HIP1: variants seen among roughly 807,000 people sequenced by gnomAD.
The protein encoded by HIP1 is huntingtin-interacting protein 1.
A neutral mutation model predicts 147.6 loss-of-function variants in HIP1; 65 were observed. The ratio of observed to expected loss-of-function variants is 0.44; its 90% CI spans 0.36 to 0.54. The LOEUF (loss-of-function observed/expected upper bound fraction) is 0.54, where lower values mean the gene tolerates loss of function less well. Among genes scored for constraint, HIP1 ranks in the 20% least tolerant of loss-of-function variants. HIP1 has a pLI of 0.00. For missense variants in HIP1, 1,061 were observed against 1,299.6 expected (o/e 0.82, Z 2.82); for synonymous variants, 479 against 504.0 (o/e 0.95, Z 0.67).
intron 1 of HIP1, among the ~76,000 whole-genome samples, chr7:75,721,733 G>A (rs782784699): frequency 6.6e-6 from 1 of 152,172 alleles, no homozygotes; most frequent in South Asian, 2.1e-4. Flanking sequence ...TATTGGGTAA[G>A]TTATCTGGGT....
At chr7:75,735,886 C>A (rs1245421293) in intron 1 of HIP1, among the ~76,000 whole-genome samples, 2 of 151,876 alleles carry the variant, frequency 1.3e-5, no homozygotes, top group Non-Finnish European at 2.9e-5. Context: ...TGGGGTCTTA[C>A]TATGTTGTCC....
At position 75,576,763 on chromosome 7, in the gene HIP1, G is replaced by A. The variant is rs587758088; in HGVS notation, c.605-2862C>T. 2.9e-4 allele frequency among the ~76,000 whole-genome samples: 44 copies of A among 152,250 alleles called. No homozygotes were observed. In the East Asian group the frequency reaches 8.3e-3, roughly 29 times the overall value. ...AGGTAGATTCTAATCTGCATCCAGG[G>A]TTGAAAACTGTATGTCCAAGCTCAG... is the stretch of plus-strand genomic sequence containing the variant. On this transcript the variant is annotated intron_variant, in intron 7 of 30. Coordinates refer to ENST00000336926, the MANE Select transcript of HIP1 (RefSeq NM_005338.7).
At chr7:75,558,327 G>T in intron 14 of HIP1, 72 bp from the exon 15 acceptor site, 1 of 1,150,710 alleles carries the variant, frequency 8.7e-7, no homozygotes, top group Non-Finnish European at 1.3e-6. Context: ...ATGAGCCAGG[G>T]TCCCTAGAAG....
chr7:75,718,022 C>T (rs763777126), intron 1 of HIP1, among the ~76,000 whole-genome samples: 1 of 151,432 alleles, frequency 6.6e-6, no homozygotes, highest in African/African-American at 2.4e-5. Context: ...ATGGCTCACA[C>T]CTGTAATCCC....
chr7:75,581,597 G>A (rs587717015), intron 6 of HIP1, among the ~76,000 whole-genome samples: 8 of 152,142 alleles, frequency 5.3e-5, no homozygotes, highest in Non-Finnish European at 7.4e-5. Context: ...TGGCCAACGC[G>A]GCGAAACCCC....
chr7:75,542,591 C>G (rs1464523523), intron 28 of HIP1, among the ~76,000 whole-genome samples: 5 of 150,692 alleles, frequency 3.3e-5, no homozygotes, highest in African/African-American at 1.2e-4. Flanking sequence ...CCTAGCTACT[C>G]GGGAAGCTGA....
At chr7:75,679,666 C>G (rs1800001308) in intron 1 of HIP1, among the ~76,000 whole-genome samples, 1 of 79,358 alleles carries the variant, frequency 1.3e-5, no homozygotes, top group Admixed American at 1.4e-4. Context: ...TCCCTCCTTT[C>G]TCTATTAATT....
At chr7:75,696,880 G>A (rs1344507777) in intron 1 of HIP1, among the ~76,000 whole-genome samples, 2 of 151,658 alleles carry the variant, frequency 1.3e-5, no homozygotes, top group South Asian at 2.1e-4. Context: ...GATTACAGGC[G>A]TGAGCCACTG....
At chr7:75,669,001 T>C (rs1171987847) in intron 1 of HIP1, among the ~76,000 whole-genome samples, 1 of 147,798 alleles carries the variant, frequency 6.8e-6, no homozygotes, top group African/African-American at 2.5e-5. Flanking sequence ...GCAGATCACT[T>C]GAAGTCAGGA....
intron 2 of HIP1, among the ~76,000 whole-genome samples, chr7:75,596,300 T>C (rs1796744255): frequency 6.6e-6 from 1 of 150,942 alleles, no homozygotes; most frequent in African/African-American, 2.4e-5. Context: ...CCCTACTGTA[T>C]GGAGTTGATT....
chr7:75,570,175 G>A (rs899334693), intron 8 of HIP1, among the ~76,000 whole-genome samples: 8 of 151,764 alleles, frequency 5.3e-5, no homozygotes, highest in Admixed American at 6.6e-5. Flanking sequence ...CTCGTGATCC[G>A]CCTGCCTTGA....
intron 1 of HIP1, among the ~76,000 whole-genome samples, chr7:75,716,613 G>A (rs1233222272): frequency 2.0e-5 from 3 of 149,964 alleles, no homozygotes; most frequent in Admixed American, 6.7e-5. Flanking sequence ...TCCGCCTCCC[G>A]GGTTCACACC....
At chr7:75,691,712 C>G (rs1433629558) in intron 1 of HIP1, among the ~76,000 whole-genome samples, 25 of 151,736 alleles carry the variant, frequency 1.6e-4, no homozygotes, top group African/African-American at 6.1e-4. Context: ...TGCTTGAACC[C>G]GGGAGAAGGA....
chr7:75,691,575 G>A (rs537113971), intron 1 of HIP1, among the ~76,000 whole-genome samples: 4 of 152,098 alleles, frequency 2.6e-5, no homozygotes, highest in Non-Finnish European at 5.9e-5. Context: ...GAGGCGGGTG[G>A]ATTACTTGAG....
At position 75,672,738 on chromosome 7, in the gene HIP1, C is replaced by G. The variant is rs542995071; in HGVS notation, c.120+66063G>C. Among the ~76,000 whole-genome samples the G allele has an allele frequency of 2.2e-4, 34 of 152,258 alleles. 1 individual carries two copies. In the South Asian group the frequency reaches 6.6e-3, roughly 30 times the overall value. ...AGCTTTTGATGTCACATTTAAGAAG[C>G]CATTGCTTAATCCAAGCTCATAAAG... On this transcript the variant is annotated intron_variant, in intron 1 of 30. Coordinates refer to ENST00000336926, the MANE Select transcript of HIP1 (RefSeq NM_005338.7).
intron 1 of HIP1, among the ~76,000 whole-genome samples, chr7:75,614,489 A>G (rs1450673244): frequency 6.6e-6 from 1 of 151,040 alleles, no homozygotes; most frequent in Non-Finnish European, 1.5e-5. Flanking sequence ...GTGTGATTCT[A>G]TTTGTATGAA....
At chr7:75,719,942 G>A (rs782306661) in intron 1 of HIP1, among the ~76,000 whole-genome samples, 3 of 152,112 alleles carry the variant, frequency 2.0e-5, no homozygotes, top group Non-Finnish European at 4.4e-5. Flanking sequence ...CCCTAGGGGA[G>A]TTATTTTGCC....
At position 75,561,335 on chromosome 7, in the gene HIP1, C is replaced by A. The variant is rs1554494508; in HGVS notation, c.1185G>T (p.Lys395Asn). ...SGLKAQLENM[K>N]TESQRVVLQL... Reference sequence around the variant, plus strand: ...GAGCAGATCCAAGTTATACCTCAGTCTTCATGTTTTCTAGCTGTGCCTTCA... The same window carrying A: ...GAGCAGATCCAAGTTATACCTCAGTATTCATGTTTTCTAGCTGTGCCTTCA... Residue 395 changes from lysine to asparagine, a missense_variant, in exon 13 of 31, where the codon AAG becomes AAT. Around this residue, in one of 3 missense-constraint regions of HIP1, gnomAD observed 810 missense variants for 946.8 expected, o/e 0.86. Transcript: ENST00000336926. 6.2e-7 allele frequency: 1 copy of A among 1,608,302 alleles called. No homozygotes were observed. The highest frequency in any genetic ancestry group is 1.7e-5 in the Admixed American group (1 of 59,982).
intron 2 of HIP1, among the ~76,000 whole-genome samples, chr7:75,595,247 TCTTTCTTCCTTCCTTCCTTC>T (rs1215815219): frequency 7.2e-4 from 60 of 82,958 alleles, no homozygotes; most frequent in African/African-American, 3.0e-3. Context: ...TTTCTTTCTT[TCTTTCTTCCTTCCTTCCTTC>T]CTTCCTTCCT....
Sources: gnomAD v4.1 joint callset for allele counts (sites outside exome capture counted in the v4.1 genomes callset) on GRCh38, gnomAD v4.1.1 for gene constraint, gnomAD v4.1.1 regional missense constraint, MANE v1.5 for transcripts, NCBI Gene and HGNC (gene_info 2026-07-23, HGNC 2026-07-21) for gene names.